Variants in TRPM1 observed in about 807,000 individuals in gnomAD.
TRPM1 encodes the protein transient receptor potential cation channel subfamily M member 1.
A neutral mutation model predicts 149.4 loss-of-function variants in TRPM1; 113 were observed. The ratio of observed to expected loss-of-function variants is 0.76; its 90% confidence interval spans 0.65 to 0.88. The LOEUF (loss-of-function observed/expected upper bound fraction) is 0.88, where lower values mean the gene tolerates loss of function less well. Ranked by LOEUF, TRPM1 falls within the 40% of genes least tolerant of loss-of-function variation. TRPM1 has a pLI of 0.00. For synonymous variants in TRPM1, 741 were observed against 759.5 expected, an observed-to-expected ratio of 0.98 and a Z score of 0.40; for missense variants, 1,976 against 2,038.7, an observed-to-expected ratio of 0.97 and a Z score of 0.59.
At chr15:31,059,934 CATT>C (rs1418156401) in intron 11 of TRPM1, among the ~76,000 whole-genome samples, 4 of 151,984 alleles carry the variant, frequency 2.6e-5, no homozygotes, top group Admixed American at 2.0e-4. Flanking sequence ...CACACACACA[CATT>C]AGTACTCCTC....
chr15:31,005,056 C>T (rs1195198894), intron 27 of TRPM1, among the ~76,000 whole-genome samples: 11 of 151,540 alleles, frequency 7.3e-5, no homozygotes, highest in South Asian at 2.1e-4. Context: ...GAGCCGAGAT[C>T]GCACCACTGC....
Position 31,066,339 on chromosome 15 carries a change from T to A in TRPM1, c.619-92A>T, listed in dbSNP as rs531593325. 3.5e-6 allele frequency: 5 copies of A among 1,416,644 alleles called. No individual in the cohort carries two copies. In the South Asian group the frequency reaches 4.7e-5, roughly 13 times the overall value. The allele number at this position is 1,416,644 out of a possible 1,614,324, so 87.8% of individuals were successfully genotyped here. On this transcript the variant is annotated intron_variant, in intron 6 of 27. Coordinates refer to ENST00000256552, the MANE Select transcript of TRPM1 (RefSeq NM_001252024.2). ...GCACAATACATATGTGTGGAGTGACTGCACTAAAACTTATTCTCACATCTC... is the reference window on the plus strand; with the variant it reads ...GCACAATACATATGTGTGGAGTGACAGCACTAAAACTTATTCTCACATCTC...
At chr15:31,154,628 C>T (rs188739340) in intron 1 of TRPM1, among the ~76,000 whole-genome samples, 42 of 152,178 alleles carry the variant, frequency 2.8e-4, no homozygotes, top group Admixed American at 1.0e-3. Flanking sequence ...TCCTTCTTGC[C>T]GGGGGACTAG....
chr15:31,002,289 C>T lies in TRPM1; in HGVS notation c.4411G>A (p.Val1471Ile), dbSNP rs1726212151. Residue 1471 changes from valine to isoleucine, a missense_variant, in exon 28 of 28, where the codon GTC (valine) becomes ATC (isoleucine). Val to Ile is a conservative substitution (Grantham distance 29). Coordinates refer to ENST00000256552, the MANE Select transcript of TRPM1 (RefSeq NM_001252024.2). ...SFVYSRGRKL[V>I]GGVNQDVEYS... ...TCTACATCCTGGTTAACCCCACCGACCAGCTTTCTTCCCCGGGAATAGACG... is the reference window on the plus strand; with the variant it reads ...TCTACATCCTGGTTAACCCCACCGATCAGCTTTCTTCCCCGGGAATAGACG... 6.2e-7 allele frequency: 1 copy of T among 1,614,134 alleles called. No individual in the cohort carries two copies. The highest frequency in any genetic ancestry group is 1.3e-5 in the African/African-American group (1 of 74,942).
intron 3 of TRPM1, among the ~76,000 whole-genome samples, chr15:31,071,202 GT>G (rs1287001105): frequency 6.6e-6 from 1 of 152,194 alleles, no homozygotes; most frequent in African/African-American, 2.4e-5. Flanking sequence ...AACTTGAAAA[GT>G]TTGTTAGGAA....
chr15:31,136,025 G>A (rs1249619615), intron 1 of TRPM1, among the ~76,000 whole-genome samples: 1 of 152,152 alleles, frequency 6.6e-6, no homozygotes, highest in Non-Finnish European at 1.5e-5. Context: ...TGTAATTTTA[G>A]TTCAGTAAAA....
intron 27 of TRPM1, among the ~76,000 whole-genome samples, chr15:31,009,232 G>A (rs534746132): frequency 2.0e-5 from 3 of 151,920 alleles, no homozygotes; most frequent in South Asian, 4.2e-4. Context: ...ATGGTGACCT[G>A]TGCCTGTAAT....
At chr15:31,121,635 C>T (rs999733034) in intron 1 of TRPM1, among the ~76,000 whole-genome samples, 6 of 152,132 alleles carry the variant, frequency 3.9e-5, no homozygotes, top group Admixed American at 1.3e-4. Context: ...AGAAATAGGT[C>T]GCCTGAATAG....
rs776072955 is a variant in TRPM1 at position 31,040,429 on chromosome 15, T to A, written c.2088-83A>T. On this transcript the variant is annotated intron_variant, in intron 17 of 27. Transcript: ENST00000256552. The surrounding 1 kb of genome is among the most constrained non-coding windows in gnomAD (Gnocchi z 4.2). ...GACAGGCATATCCACCAAGGACTTATGGAGCCACGGGACACAGTATCCTTC... is the reference window on the plus strand; with the variant it reads ...GACAGGCATATCCACCAAGGACTTAAGGAGCCACGGGACACAGTATCCTTC... The A allele has an allele frequency of 2.6e-6, 3 of 1,149,916 alleles. No homozygotes were observed. The highest frequency in any genetic ancestry group is 3.9e-6 in the Non-Finnish European group (3 of 768,970). 71.2% of individuals were successfully genotyped at this position (1,149,916 alleles called of 1,614,324 possible).
intron 27 of TRPM1, among the ~76,000 whole-genome samples, chr15:31,020,023 AAT>A (rs2032503646): frequency 6.6e-6 from 1 of 152,252 alleles, no homozygotes; most frequent in Non-Finnish European, 1.5e-5. Flanking sequence ...CAGTATACTG[AAT>A]AGTTACTAAA....
rs1363891994 is a variant in TRPM1 at position 31,002,114 on chromosome 15, T to C, written c.4586A>G (p.Asp1529Gly). The C allele has an allele frequency of 1.2e-6, 2 of 1,614,254 alleles. No individual in the cohort carries two copies. The highest frequency in any genetic ancestry group is 1.7e-5 in the Admixed American group (1 of 60,036). The change falls in exon 28 of 28, where the codon GAT becomes GGT. Residue 1529 changes from aspartate (D) to glycine (G), a missense_variant. By Grantham distance (94) the Asp-to-Gly change is moderately conservative. This residue lies in a region of TRPM1 where 572 missense variants were observed against 578.9 expected (regional missense o/e 0.99). Transcript: ENST00000256552. ...AATTGCTTCAGCGACATGGTGTTCATCTTGCATATCTGCAAACTGCTCTTT... is the reference window on the plus strand; with the variant it reads ...AATTGCTTCAGCGACATGGTGTTCACCTTGCATATCTGCAAACTGCTCTTT... ...EHKEQFADMQ[D>G]EHHVAEAIPR...
At chr15:31,159,858 G>C (rs1011948569) in intron 1 of TRPM1, among the ~76,000 whole-genome samples, 1 of 152,092 alleles carries the variant, frequency 6.6e-6, no homozygotes, top group African/African-American at 2.4e-5. Context: ...CTCTGAGTGT[G>C]GTCACCTGGC....
chr15:31,050,708 T>G (rs1395655073), intron 11 of TRPM1, 126 bp from the exon 12 acceptor site: 1 of 1,013,572 alleles, frequency 9.9e-7, no homozygotes, highest in Admixed American at 1.8e-5. Context: ...ACAATGTACA[T>G]GTGCACACCC....
chr15:31,111,027 T>A (rs920755512), intron 1 of TRPM1, among the ~76,000 whole-genome samples: 3 of 152,028 alleles, frequency 2.0e-5, no homozygotes, highest in Admixed American at 6.6e-5. Flanking sequence ...ATTTAATGGT[T>A]TTTTGTTTCT....
At position 31,031,061 on chromosome 15, in the gene TRPM1, AG is replaced by A; in HGVS notation, c.3048del (p.Ser1017LeufsTer15). 1 of 1,614,150 alleles carries A rather than the reference AG, an allele frequency of 6.2e-7. No individual in the cohort carries two copies. The highest frequency in any genetic ancestry group is 8.5e-7 in the Non-Finnish European group (1 of 1,180,022). ...AAGATGTTTCGGGCCAGTTTCCAAGAGGGCTTCTCCTCTGGATGCAGAATGG... is the reference window on the plus strand; with the variant it reads ...AAGATGTTTCGGGCCAGTTTCCAAGAGGCTTCTCCTCTGGATGCAGAATGG... ...RQAILHPEEK[P>X]SWKLARNIFY... On this transcript the variant is annotated frameshift_variant, in exon 23 of 28. Coordinates refer to ENST00000256552, the MANE Select transcript of TRPM1 (RefSeq NM_001252024.2). LOFTEE classifies it high-confidence loss of function.
intron 1 of TRPM1, among the ~76,000 whole-genome samples, chr15:31,092,462 G>C (rs1435253504): frequency 6.6e-6 from 1 of 152,152 alleles, no homozygotes; most frequent in African/African-American, 2.4e-5. Flanking sequence ...ACGCGGCCAG[G>C]CAGCCGGACC....
chr15:31,081,242 T>C (rs2034849123), intron 2 of TRPM1, 111 bp downstream of exon 2: 3 of 773,834 alleles, frequency 3.9e-6, no homozygotes, highest in Non-Finnish European at 6.5e-6. Context: ...TCCACTTCCC[T>C]CTGCTTCACT....
At chr15:31,154,682 C>T (rs924744285) in intron 1 of TRPM1, among the ~76,000 whole-genome samples, 8 of 152,196 alleles carry the variant, frequency 5.3e-5, no homozygotes, top group Non-Finnish European at 7.3e-5. Flanking sequence ...TTAGAAATTA[C>T]GGTTTAGGAG....
chr15:31,072,028 G>T (rs1305827218), intron 3 of TRPM1, among the ~76,000 whole-genome samples: 55 of 131,686 alleles, frequency 4.2e-4, no homozygotes, highest in Non-Finnish European at 7.8e-4. Context: ...TAGAGAGAGA[G>T]AGAGAGAGAG....
Sources: gnomAD v4.1 joint callset for allele counts (sites outside exome capture counted in the v4.1 genomes callset) on GRCh38, gnomAD v4.1.1 for gene constraint, gnomAD v4.1.1 regional missense constraint, Gnocchi (gnomAD v3.1) non-coding constraint, MANE v1.5 for transcripts, NCBI Gene and HGNC (gene_info 2026-07-23, HGNC 2026-07-21) for gene names.